The following EDIL3 variants were observed in gnomAD, a reference collection of about 807,000 sequenced individuals.
EDIL3 encodes EGF-like repeat and discoidin I-like domain-containing protein 3.
EDIL3 carries 37 observed loss-of-function variants against 67.4 expected under a neutral mutation model. That is an observed-to-expected ratio of 0.55 (90% CI 0.42 to 0.72). EDIL3 has a LOEUF of 0.72. Ranked by LOEUF, EDIL3 falls within the 30% of genes least tolerant of loss-of-function variation. EDIL3 has a pLI of 0.00. For synonymous variants in EDIL3, 195 were observed against 196.3 expected (o/e 0.99, Z 0.05); for missense variants, 527 against 586.3 (o/e 0.90, Z 1.04).
intron 9 of EDIL3, among the ~76,000 whole-genome samples, chr5:84,053,993 G>C (rs1207228142): frequency 3.3e-5 from 5 of 152,126 alleles, no homozygotes; most frequent in East Asian, 1.9e-4. Context: ...AAGCCTGGCA[G>C]AGACACAACA....
In EDIL3 at chr5:84,128,614, C is replaced by T. The variant is rs112583582; in HGVS notation, c.469+8627G>A. On this transcript the variant is annotated intron_variant, in intron 5 of 10. Coordinates refer to ENST00000296591, the MANE Select transcript of EDIL3 (RefSeq NM_005711.5). The stretch of plus-strand genomic sequence containing the variant: ...ATTTTATTTGGGTTGTCCCCCTGCT[C>T]CTTTTGTAAGGGTGAGGGTTGGAGT... Among the ~76,000 whole-genome samples, 351 of 151,998 alleles carry T rather than the reference C, an allele frequency of 2.3e-3. 2 individuals carry two copies. The highest frequency in any genetic ancestry group is 7.5e-3 in the African/African-American group (310 of 41,480).
At chr5:84,030,743 G>T (rs578080459) in intron 9 of EDIL3, among the ~76,000 whole-genome samples, 1 of 152,210 alleles carries the variant, frequency 6.6e-6, no homozygotes, top group Admixed American at 6.5e-5. Context: ...CTAGTGAGTG[G>T]TGTTAGCCTA....
chr5:84,207,941 A>G (rs1357618526), intron 3 of EDIL3, among the ~76,000 whole-genome samples: 1 of 152,178 alleles, frequency 6.6e-6, no homozygotes, highest in Non-Finnish European at 1.5e-5. Flanking sequence ...AACCATAAAA[A>G]CCCGAGAAGA....
At chr5:84,079,286 T>C (rs1746920861) in intron 6 of EDIL3, among the ~76,000 whole-genome samples, 1 of 152,040 alleles carries the variant, frequency 6.6e-6, no homozygotes, top group African/African-American at 2.4e-5. Context: ...TGAGGCATCC[T>C]AGCAAATTAT....
intron 8 of EDIL3, among the ~76,000 whole-genome samples, chr5:84,061,450 G>C (rs1746540225): frequency 6.6e-6 from 1 of 152,118 alleles, no homozygotes; most frequent in Non-Finnish European, 1.5e-5. Flanking sequence ...GCCCGGGGCT[G>C]AGTCTTCTTT....
chr5:84,065,867 G>A (rs1008734250), intron 7 of EDIL3, among the ~76,000 whole-genome samples: 5 of 152,070 alleles, frequency 3.3e-5, no homozygotes, highest in South Asian at 2.1e-4. Context: ...TGTAATCCCA[G>A]CACTTTGGGA....
At chr5:84,187,214 C>A (rs1395778061) in intron 3 of EDIL3, among the ~76,000 whole-genome samples, 4 of 152,016 alleles carry the variant, frequency 2.6e-5, no homozygotes, top group African/African-American at 7.2e-5. Context: ...TTTATGCAAG[C>A]TCATATAAGT....
rs1181968508 is a variant in EDIL3, at chr5:83,940,783, G to A, written c.*2636C>T. 2 of 151,930 alleles carry A rather than the reference G, an allele frequency of 1.3e-5. No individual in the cohort carries two copies. Among genetic ancestry groups the A allele is most frequent in the Non-Finnish European group, 2.9e-5 (2 of 67,870 alleles). 9.4% of individuals were successfully genotyped at this position (151,930 alleles called of 1,614,324 possible). On this transcript the variant is annotated 3_prime_UTR_variant, in exon 11 of 11. Coordinates refer to ENST00000296591, the MANE Select transcript of EDIL3 (RefSeq NM_005711.5). ...CTTAATGACACATCAGACGCATTGAGTATATTTCATAAGTTGTTGACTAGC... is the reference window on the plus strand; with the variant it reads ...CTTAATGACACATCAGACGCATTGAATATATTTCATAAGTTGTTGACTAGC...
At chr5:84,242,473 T>C (rs531691558) in intron 2 of EDIL3, among the ~76,000 whole-genome samples, 87 of 152,254 alleles carry the variant, frequency 5.7e-4, no homozygotes, top group African/African-American at 1.9e-3. Context: ...CAGTAGAGCA[T>C]GCTCAGCATG....
chr5:84,042,287 ATT>A (rs72059425), intron 9 of EDIL3, among the ~76,000 whole-genome samples: 1 of 147,012 alleles, frequency 6.8e-6, no homozygotes, highest in Non-Finnish European at 1.5e-5. Flanking sequence ...GCAAATGGAA[ATT>A]TTTTTTTTTT....
intron 1 of EDIL3, among the ~76,000 whole-genome samples, chr5:84,324,762 G>C (rs1454930140): frequency 6.6e-6 from 1 of 151,738 alleles, no homozygotes. Context: ...TAAAGCTTAT[G>C]AGACTATAGT....
chr5:84,368,285 A>C (rs984619919), intron 1 of EDIL3, among the ~76,000 whole-genome samples: 6 of 152,216 alleles, frequency 3.9e-5, no homozygotes, highest in African/African-American at 7.2e-5. Context: ...AACAAATGGA[A>C]TAGAATAGAA....
intron 9 of EDIL3, among the ~76,000 whole-genome samples, chr5:84,031,634 A>C (rs1031272498): frequency 3.3e-5 from 5 of 152,234 alleles, no homozygotes; most frequent in Admixed American, 3.3e-4. Flanking sequence ...CACATCAAGA[A>C]GATGGTCATC....
chr5:84,106,364 C>T (rs1747460366), intron 6 of EDIL3, among the ~76,000 whole-genome samples: 1 of 152,048 alleles, frequency 6.6e-6, no homozygotes, highest in South Asian at 2.1e-4. Flanking sequence ...TGGTAATGAA[C>T]ACACAGTATA....
intron 1 of EDIL3, among the ~76,000 whole-genome samples, chr5:84,351,361 C>A (rs569348729): frequency 6.6e-6 from 1 of 152,000 alleles, no homozygotes. Flanking sequence ...AAGTAATGGC[C>A]CTAGGTATGT....
chr5:84,119,337 T>G (rs184295520), intron 5 of EDIL3, among the ~76,000 whole-genome samples: 1 of 151,112 alleles, frequency 6.6e-6, no homozygotes, highest in East Asian at 2.0e-4. Flanking sequence ...CGATTATTAA[T>G]CATGAGCTGT....
chr5:84,268,828 A>T (rs1325707089), intron 1 of EDIL3, among the ~76,000 whole-genome samples: 3 of 152,190 alleles, frequency 2.0e-5, no homozygotes, highest in Non-Finnish European at 4.4e-5. Flanking sequence ...AGCTCACTGT[A>T]AACAGTTCAG....
chr5:84,160,819 C>CCTTTCCTTTCCTTTTCCTTTT, intron 4 of EDIL3, among the ~76,000 whole-genome samples: 1 of 69,130 alleles, frequency 1.4e-5, no homozygotes, highest in African/African-American at 6.3e-5. Flanking sequence ...CCTTTCCTTT[C>CCTTTCCTTTCCTTTTCCTTTT]CCTTTCCTTT....
intron 10 of EDIL3, among the ~76,000 whole-genome samples, chr5:83,962,204 G>A (rs914573700): frequency 7.3e-5 from 11 of 151,382 alleles, no homozygotes; most frequent in African/African-American, 2.7e-4. Flanking sequence ...AGTTAATAAT[G>A]CAATAACCAT....
Sources: gnomAD v4.1 joint callset for allele counts (sites outside exome capture counted in the v4.1 genomes callset) on GRCh38, gnomAD v4.1.1 for gene constraint, MANE v1.5 for transcripts, NCBI Gene and HGNC (gene_info 2026-07-23, HGNC 2026-07-21) for gene names.